Variants in NF2 observed in about 807,000 individuals in gnomAD.
The protein encoded by NF2 is merlin.
A neutral mutation model predicts 83.7 loss-of-function variants in NF2; 8 were observed. The observed-to-expected ratio is 0.10, with a 90% CI of 0.06 to 0.17. The LOEUF is 0.17. Ranked by LOEUF, NF2 falls within the 10% of genes least tolerant of loss-of-function variation. The pLI is 1.00. For synonymous variants in NF2, 266 were observed against 269.6 expected (o/e 0.99, Z 0.13); for missense variants, 533 against 744.4 (o/e 0.72, Z 3.31).
chr22:29,648,681 A>G (rs1482630879), intron 4 of NF2, among the ~76,000 whole-genome samples: 2 of 152,174 alleles, frequency 1.3e-5, no homozygotes, highest in Non-Finnish European at 2.9e-5. Flanking sequence ...AGGTGGCACA[A>G]TCTCCACCCA....
At chr22:29,620,960 G>T (rs888597871) in intron 1 of NF2, among the ~76,000 whole-genome samples, 3 of 152,202 alleles carry the variant, frequency 2.0e-5, no homozygotes, top group African/African-American at 7.2e-5. Flanking sequence ...TCATCTTTAA[G>T]TGGGGAAACA....
chr22:29,637,684 C>T (rs2065683918), intron 2 of NF2, among the ~76,000 whole-genome samples: 2 of 131,554 alleles, frequency 1.5e-5, no homozygotes, highest in South Asian at 4.5e-4. Context: ...ATAATGAAAG[C>T]TTCCTATTTT....
chr22:29,688,339 C>T (rs577009532), intron 15 of NF2, among the ~76,000 whole-genome samples: 2 of 152,302 alleles, frequency 1.3e-5, no homozygotes, highest in South Asian at 2.1e-4. Flanking sequence ...TCCTCGGCAC[C>T]GGATTCGTTG....
chr22:29,693,863 C>T lies in NF2; in HGVS notation c.1738-889C>T, dbSNP rs534534980. On this transcript the variant is annotated intron_variant, in intron 15 of 15. Coordinates refer to ENST00000338641, the MANE Select transcript of NF2 (RefSeq NM_000268.4). ...ACCCCCGCACTCCTGTGGGAAGTCC[C>T]GGAGCTGGAAATGGAACACAGTCAC... 4.5e-4 allele frequency among the ~76,000 whole-genome samples: 68 copies of T among 152,290 alleles called. 1 individual carries two copies. The highest frequency in any genetic ancestry group is 1.0e-3 in the South Asian group (5 of 4,824).
intron 4 of NF2, among the ~76,000 whole-genome samples, chr22:29,643,292 A>ATTTTTTTTTTTTT (rs1194773468): frequency 2.2e-5 from 3 of 137,848 alleles, no homozygotes; most frequent in African/African-American, 2.7e-5. Context: ...TACTTGTGTG[A>ATTTTTTTTTTTTT]TTTTTTTTTT....
intron 1 of NF2, among the ~76,000 whole-genome samples, chr22:29,621,503 C>CA (rs1188794148): frequency 1.3e-5 from 2 of 151,790 alleles, no homozygotes; most frequent in South Asian, 2.1e-4. Flanking sequence ...CCTATCTCTA[C>CA]AAAAAATACA....
chr22:29,654,818 A>G (rs993630600), intron 5 of NF2, 93 bp downstream of exon 5: 2 of 913,606 alleles, frequency 2.2e-6, no homozygotes, highest in Admixed American at 1.7e-5. Flanking sequence ...TTGGAAGTAC[A>G]TAGCAATTTA....
intron 4 of NF2, among the ~76,000 whole-genome samples, chr22:29,644,927 G>A (rs2065942634): frequency 1.3e-5 from 2 of 151,924 alleles, no homozygotes; most frequent in Admixed American, 1.3e-4. Context: ...GAGGGAGAGG[G>A]AGACCATGGG....
chr22:29,612,404 C>T (rs2064975234), intron 1 of NF2, among the ~76,000 whole-genome samples: 1 of 151,804 alleles, frequency 6.6e-6, no homozygotes, highest in Non-Finnish European at 1.5e-5. Context: ...CTCAGTGCAG[C>T]CTAGACCTTC....
intron 4 of NF2, among the ~76,000 whole-genome samples, chr22:29,643,430 C>A (rs1402414933): frequency 6.6e-6 from 1 of 152,068 alleles, no homozygotes. Flanking sequence ...AGGCAGAGGA[C>A]CCTGCGGACT....
At chr22:29,632,628 CACTA>C (rs372811274) in intron 1 of NF2, among the ~76,000 whole-genome samples, 331 of 152,324 alleles carry the variant, frequency 2.2e-3, no homozygotes, top group African/African-American at 7.1e-3. Context: ...TGTGTGTGTT[CACTA>C]ACTATTTGTG....
rs187746808 is a variant in NF2 at position 29,614,171 on chromosome 22, C to T, written c.114+10059C>T. Among the ~76,000 whole-genome samples, 642 of 151,668 alleles carry T rather than the reference C, an allele frequency of 4.2e-3. 4 individuals carry two copies. The highest frequency in any genetic ancestry group is 0.015 in the African/African-American group (612 of 41,386). On this transcript the variant is annotated intron_variant, in intron 1 of 15. Transcript: ENST00000338641. Reference sequence around the variant, plus strand: ...ACAAAAATTAACTCATGGCTGGGCACGGTGGCTCACACCTGTAATCCCAGC... The same window carrying T: ...ACAAAAATTAACTCATGGCTGGGCATGGTGGCTCACACCTGTAATCCCAGC...
At chr22:29,678,990 T>C (rs2067049430) in intron 14 of NF2, among the ~76,000 whole-genome samples, 1 of 152,258 alleles carries the variant, frequency 6.6e-6, no homozygotes, top group African/African-American at 2.4e-5. Flanking sequence ...GGTTAACTGC[T>C]GCTGCTTGCT....
intron 1 of NF2, among the ~76,000 whole-genome samples, chr22:29,615,764 A>G (rs1312295077): frequency 6.6e-6 from 1 of 152,194 alleles, no homozygotes; most frequent in Non-Finnish European, 1.5e-5. Context: ...ACATGGTGGC[A>G]GTTCCTCAAA....
intron 14 of NF2, 80 bp from the exon 15 acceptor site, chr22:29,681,359 C>T: frequency 6.4e-7 from 1 of 1,568,804 alleles, no homozygotes; most frequent in Admixed American, 1.7e-5. Context: ...GCACACCAAG[C>T]AGCTTGTGGG....
chr22:29,610,047 G>T (rs578115724), intron 1 of NF2, among the ~76,000 whole-genome samples: 3 of 152,004 alleles, frequency 2.0e-5, no homozygotes, highest in African/African-American at 7.2e-5. Flanking sequence ...GAGAGAGAGA[G>T]AGAGAGAGAC....
At chr22:29,690,674 G>C (rs1415268965) in intron 15 of NF2, among the ~76,000 whole-genome samples, 1 of 152,230 alleles carries the variant, frequency 6.6e-6, no homozygotes, top group Admixed American at 6.5e-5. Context: ...TTGAGCAGCC[G>C]GTTCAGTCGA....
intron 1 of NF2, among the ~76,000 whole-genome samples, chr22:29,616,930 T>G (rs2065096419): frequency 6.6e-6 from 1 of 151,464 alleles, no homozygotes; most frequent in Non-Finnish European, 1.5e-5. Flanking sequence ...TTTAGTTTTT[T>G]GGGGGTTTTT....
chr22:29,665,141 C>A, intron 9 of NF2, 77 bp downstream of exon 9: 1 of 1,109,824 alleles, frequency 9.0e-7, no homozygotes, highest in South Asian at 1.3e-5. Flanking sequence ...TAAAGGATAT[C>A]AGAGTGACAT....
Sources: allele counts gnomAD v4.1 joint callset (sites outside exome capture counted in the v4.1 genomes callset), GRCh38; gene constraint gnomAD v4.1.1; transcripts MANE v1.5; gene names NCBI Gene and HGNC (gene_info 2026-07-23, HGNC 2026-07-21).